The following MACROD2 variants were observed in gnomAD, a reference collection of about 807,000 sequenced individuals.
The protein encoded by MACROD2 is ADP-ribose glycohydrolase MACROD2.
Under a neutral mutation model 70.4 loss-of-function variants are expected in MACROD2, and 36 were observed. The observed-to-expected ratio is 0.51, with a 90% CI of 0.39 to 0.68. The LOEUF (loss-of-function observed/expected upper bound fraction) is 0.68. Ranked by LOEUF, MACROD2 falls within the 30% of genes least tolerant of loss-of-function variation. The pLI is 0.00. For synonymous variants in MACROD2, 172 were observed against 178.8 expected (o/e 0.96, Z 0.30); for missense variants, 496 against 538.4 (o/e 0.92, Z 0.78).
At chr20:15,603,680 G>A (rs1336385089) in intron 8 of MACROD2, among the ~76,000 whole-genome samples, 1 of 151,970 alleles carries the variant, frequency 6.6e-6, no homozygotes, top group East Asian at 1.9e-4. Context: ...GTGAAAGCCA[G>A]TTTTTCCAGT....
intron 5 of MACROD2, among the ~76,000 whole-genome samples, chr20:14,864,151 T>G (rs1348630333): frequency 6.6e-6 from 1 of 152,162 alleles, no homozygotes; most frequent in East Asian, 1.9e-4. Context: ...AAATATGTTT[T>G]ATAAATACTA....
chr20:15,310,387 A>G (rs1378101228), intron 6 of MACROD2, among the ~76,000 whole-genome samples: 7 of 151,828 alleles, frequency 4.6e-5, no homozygotes, highest in Admixed American at 4.6e-4. Context: ...AACAAATTAG[A>G]TTTGCTTGAA....
At chr20:14,626,491 AGTCACCCTTTAG>A (rs1408530927) in intron 4 of MACROD2, among the ~76,000 whole-genome samples, 1 of 152,106 alleles carries the variant, frequency 6.6e-6, no homozygotes, top group East Asian at 1.9e-4. Flanking sequence ...CACCTCTCCT[AGTCACCCTTTAG>A]GGACATTTTT....
chr20:15,576,995 T>G (rs1420968210), intron 8 of MACROD2, among the ~76,000 whole-genome samples: 1 of 152,162 alleles, frequency 6.6e-6, no homozygotes, highest in Non-Finnish European at 1.5e-5. Context: ...AGGGAAACAC[T>G]TCATACACTT....
chr20:14,588,009 T>C (rs1433266476), intron 4 of MACROD2, among the ~76,000 whole-genome samples: 4 of 152,160 alleles, frequency 2.6e-5, no homozygotes, highest in Admixed American at 1.3e-4. Context: ...TATTTTCCAA[T>C]GTTATCTGTC....
intron 6 of MACROD2, among the ~76,000 whole-genome samples, chr20:15,402,607 C>T (rs2045945959): frequency 6.6e-6 from 1 of 152,086 alleles, no homozygotes; most frequent in Non-Finnish European, 1.5e-5. Flanking sequence ...TGTGAGCCGC[C>T]ATGAGAAAGG....
intron 8 of MACROD2, among the ~76,000 whole-genome samples, chr20:15,818,817 G>A (rs1025468563): frequency 8.5e-5 from 13 of 152,114 alleles, no homozygotes; most frequent in African/African-American, 3.1e-4. Context: ...CACTGACCAC[G>A]CTCTAATGAT....
intron 10 of MACROD2, among the ~76,000 whole-genome samples, chr20:15,914,873 T>G (rs564666354): frequency 9.2e-5 from 14 of 152,284 alleles, no homozygotes. Context: ...TTCTTGGGTT[T>G]GATAATTTGC....
intron 3 of MACROD2, among the ~76,000 whole-genome samples, chr20:14,179,485 A>T (rs2081289934): frequency 6.6e-6 from 1 of 152,164 alleles, no homozygotes; most frequent in African/African-American, 2.4e-5. Context: ...TAAATGTACT[A>T]TTCTGTCTAT....
chr20:14,476,114 T>C (rs957906567), intron 3 of MACROD2, among the ~76,000 whole-genome samples: 1 of 152,156 alleles, frequency 6.6e-6, no homozygotes, highest in East Asian at 1.9e-4. Flanking sequence ...TTTTGGAGTT[T>C]ATTGTCTCAC....
intron 6 of MACROD2, among the ~76,000 whole-genome samples, chr20:15,415,375 C>T (rs2046132485): frequency 6.6e-6 from 1 of 152,146 alleles, no homozygotes. Context: ...TCCTCAATTA[C>T]ATTAAGTGAT....
chr20:15,424,340 A>G lies in MACROD2; in HGVS notation c.541-7065A>G, dbSNP rs548302898. On this transcript the variant is annotated intron_variant, in intron 6 of 17. Coordinates refer to ENST00000684519, the MANE Select transcript of MACROD2 (RefSeq NM_001351661.2). ...TCATACTCCTAGAGTTAGGCATACC[A>G]TGGTTTGAAAATGCTGAAGTATATA... Among the ~76,000 whole-genome samples the G allele has an allele frequency of 9.2e-5, 14 of 152,324 alleles. No individual in the cohort carries two copies. The South Asian group carries it at 2.9e-3, about 32-fold the overall frequency.
intron 2 of MACROD2, chr20:14,003,643 A>G: frequency 4.4e-6 from 2 of 455,454 alleles, no homozygotes; most frequent in South Asian, 3.6e-5. Context: ...CCCGTCTCAG[A>G]ACAGAAGGGT....
chr20:16,045,158 G>A (rs1240478664), intron 17 of MACROD2, among the ~76,000 whole-genome samples: 1 of 152,140 alleles, frequency 6.6e-6, no homozygotes, highest in African/African-American at 2.4e-5. Flanking sequence ...ACAAAGGTTT[G>A]TTATGTTGAA....
At chr20:15,534,034 T>C (rs1288927736) in intron 8 of MACROD2, among the ~76,000 whole-genome samples, 3 of 152,182 alleles carry the variant, frequency 2.0e-5, no homozygotes, top group Admixed American at 2.0e-4. Context: ...ACCCTGAGGC[T>C]AAAAAGCATT....
At chr20:14,194,779 G>A (rs2081416461) in intron 3 of MACROD2, among the ~76,000 whole-genome samples, 1 of 152,120 alleles carries the variant, frequency 6.6e-6, no homozygotes, top group African/African-American at 2.4e-5. Flanking sequence ...AAGAAAGCTT[G>A]GTTTGATGCC....
chr20:15,658,753 G>C (rs1403379580), intron 8 of MACROD2, among the ~76,000 whole-genome samples: 2 of 152,146 alleles, frequency 1.3e-5, no homozygotes, highest in African/African-American at 4.8e-5. Context: ...AGCTCTGTGG[G>C]AGCTCTGCTT....
intron 5 of MACROD2, among the ~76,000 whole-genome samples, chr20:15,181,876 A>G (rs1204962430): frequency 6.6e-6 from 1 of 152,224 alleles, no homozygotes; most frequent in Admixed American, 6.5e-5. Flanking sequence ...GCCTTTGAAG[A>G]AGATTATTTG....
intron 8 of MACROD2, among the ~76,000 whole-genome samples, chr20:15,854,656 G>T (rs1026905455): frequency 6.6e-6 from 1 of 152,172 alleles, no homozygotes; most frequent in Non-Finnish European, 1.5e-5. Context: ...CTGACATGCT[G>T]GGAGAAGAGC....
Sources: gnomAD v4.1 joint callset for allele counts (sites outside exome capture counted in the v4.1 genomes callset) on GRCh38, gnomAD v4.1.1 for gene constraint, MANE v1.5 for transcripts, NCBI Gene and HGNC (gene_info 2026-07-23, HGNC 2026-07-21) for gene names.